Variants in ABLIM1 observed in about 807,000 individuals in gnomAD.
ABLIM1 encodes actin-binding LIM protein 1.
Under a neutral mutation model 107.0 loss-of-function variants are expected in ABLIM1, and 40 were observed. The observed-to-expected ratio is 0.37, with a 90% CI of 0.29 to 0.49. The LOEUF (loss-of-function observed/expected upper bound fraction) is 0.49. Ranked by LOEUF, ABLIM1 falls within the 20% of genes least tolerant of loss-of-function variation. The pLI is 0.97. For synonymous variants in ABLIM1, 357 were observed against 357.3 expected (o/e 1.00, Z 0.01); for missense variants, 857 against 1,008.5 (o/e 0.85, Z 2.04).
intron 8 of ABLIM1, 101 bp downstream of exon 8, chr10:114,487,857 A>G: frequency 7.0e-7 from 1 of 1,432,526 alleles, no homozygotes; most frequent in Admixed American, 1.7e-5. Context: ...GGAAAAAGTC[A>G]GTAAAAAGTA....
chr10:114,754,277 C>T (rs2082582455), intron 1 of ABLIM1, among the ~76,000 whole-genome samples: 1 of 151,366 alleles, frequency 6.6e-6, no homozygotes, highest in Non-Finnish European at 1.5e-5. Flanking sequence ...ACCCCCTTCA[C>T]CCTTTGCATA....
chr10:114,536,135 C>T (rs2065971498), intron 6 of ABLIM1, among the ~76,000 whole-genome samples: 1 of 151,740 alleles, frequency 6.6e-6, no homozygotes, highest in Non-Finnish European at 1.5e-5. Flanking sequence ...AACTTACTGC[C>T]TGTCTCTGTG....
upstream of ABLIM1, among the ~76,000 whole-genome samples, chr10:114,771,539 T>C (rs2083025217): frequency 6.6e-6 from 1 of 152,222 alleles, no homozygotes; most frequent in Non-Finnish European, 1.5e-5. Flanking sequence ...AATGACATTT[T>C]AGGGCCACTC....
chr10:114,791,751 T>C, the ABLIM1 span, among the ~76,000 whole-genome samples: 3 of 151,664 alleles, frequency 2.0e-5, no homozygotes, highest in Admixed American at 2.0e-4. Flanking sequence ...GGAAAAACCA[T>C]GAAAAGAGAA....
At chr10:114,597,581 GAAAGA>G (rs2075552366) in intron 2 of ABLIM1, among the ~76,000 whole-genome samples, 1 of 150,508 alleles carries the variant, frequency 6.6e-6, no homozygotes, top group Non-Finnish European at 1.5e-5. Context: ...AGGAAAGGAG[GAAAGA>G]AAAGAAAAAC....
chr10:114,510,798 G>A (rs2061746952), intron 6 of ABLIM1, among the ~76,000 whole-genome samples: 1 of 151,714 alleles, frequency 6.6e-6, no homozygotes, highest in Non-Finnish European at 1.5e-5. Context: ...CTATAGGCAT[G>A]CACCACCATT....
intron 21 of ABLIM1, 130 bp downstream of exon 21, chr10:114,439,046 C>T: frequency 9.7e-7 from 1 of 1,035,738 alleles, no homozygotes; most frequent in Non-Finnish European, 1.5e-6. Context: ...TGGCAAGGTG[C>T]ATATTCATGA....
chr10:114,741,721 T>C (rs1051341308), intron 1 of ABLIM1, among the ~76,000 whole-genome samples: 4 of 152,182 alleles, frequency 2.6e-5, no homozygotes, highest in Admixed American at 6.5e-5. Context: ...ACAAAATAAG[T>C]ATATGGATAA....
At chr10:114,678,348 T>C (rs1412343328) in intron 1 of ABLIM1, among the ~76,000 whole-genome samples, 2 of 152,276 alleles carry the variant, frequency 1.3e-5, no homozygotes, top group Non-Finnish European at 2.9e-5. Flanking sequence ...AATCATATAA[T>C]TGTTTTCTGA....
chr10:114,544,898 C>T (rs1369812236), intron 6 of ABLIM1, 107 bp downstream of exon 6: 1 of 1,020,528 alleles, frequency 9.8e-7, no homozygotes, highest in East Asian at 2.4e-5. Flanking sequence ...TCTTTCTCCA[C>T]AGGTGAAAAA....
chr10:114,441,825 T>C, intron 17 of ABLIM1, 39 bp from the exon 18 acceptor site: 1 of 1,561,356 alleles, frequency 6.4e-7, no homozygotes. Flanking sequence ...TGTTAGGAAA[T>C]CAGAAGGTCC....
intron 1 of ABLIM1, among the ~76,000 whole-genome samples, chr10:114,605,328 T>C (rs1396477675): frequency 6.6e-6 from 1 of 152,228 alleles, no homozygotes; most frequent in Non-Finnish European, 1.5e-5. Context: ...TTTTGAAATA[T>C]GCTGAGTCAT....
chr10:114,575,576 C>T lies in ABLIM1; in HGVS notation c.403G>A (p.Gly135Arg). The change falls in exon 3 of 23, where the codon GGG (glycine) becomes AGG (arginine). Residue 135 changes from glycine to arginine, a missense_variant. Physicochemically the swap from Gly to Arg is moderately radical, Grantham distance 125. This residue lies in a region of ABLIM1 where 176 missense variants were observed against 173.5 expected (regional missense o/e 1.01). Coordinates refer to ENST00000533213, the MANE Select transcript of ABLIM1 (RefSeq NM_002313.7). ...TCTCCGTTCTTTATGAAGAAGCCCC[C>T]TTGTGCCAGGTCACAGCCACACACT... ...CKVCGCDLAQ[G>R]GFFIKNGEYL... 6.2e-7 allele frequency: 1 copy of T among 1,613,930 alleles called. No individual in the cohort carries two copies. Among genetic ancestry groups the T allele is most frequent in the Non-Finnish European group, 8.5e-7 (1 of 1,179,884 alleles).
chr10:114,514,584 T>C (rs1035855416), intron 6 of ABLIM1, among the ~76,000 whole-genome samples: 1 of 152,084 alleles, frequency 6.6e-6, no homozygotes, highest in Non-Finnish European at 1.5e-5. Context: ...TCCCTATGTT[T>C]CCCAGGCTGG....
the ABLIM1 span, chr10:114,778,952 G>A: frequency 5.3e-5 from 8 of 152,188 alleles, no homozygotes; most frequent in Non-Finnish European, 8.8e-5. Context: ...GGAGTATTTG[G>A]TATGAATGTC....
intron 1 of ABLIM1, among the ~76,000 whole-genome samples, chr10:114,709,001 C>T (rs535074261): frequency 6.6e-6 from 1 of 152,218 alleles, no homozygotes; most frequent in African/African-American, 2.4e-5. Flanking sequence ...TTTTTAAGAA[C>T]TTGGCTAAGG....
chr10:114,495,439 G>T (rs1008626053), intron 6 of ABLIM1, among the ~76,000 whole-genome samples: 5 of 151,838 alleles, frequency 3.3e-5, no homozygotes, highest in Middle Eastern at 3.4e-3. Context: ...TGGTGCTGGG[G>T]TGGTAATGAT....
At chr10:114,445,451 G>C in intron 15 of ABLIM1, 48 bp from the exon 16 acceptor site, 1 of 1,474,194 alleles carries the variant, frequency 6.8e-7, no homozygotes, top group Non-Finnish European at 9.5e-7. Flanking sequence ...CAAGACAAGG[G>C]AATCTTAACG....
At chr10:114,564,185 C>T (rs1186919298) in intron 4 of ABLIM1, among the ~76,000 whole-genome samples, 1 of 151,736 alleles carries the variant, frequency 6.6e-6, no homozygotes, top group Non-Finnish European at 1.5e-5. Context: ...GACCCGGCCT[C>T]GTTGCTCTAT....
Sources: allele counts gnomAD v4.1 joint callset (sites outside exome capture counted in the v4.1 genomes callset), GRCh38; gene constraint gnomAD v4.1.1; regional missense constraint gnomAD v4.1.1; transcripts MANE v1.5; gene names NCBI Gene and HGNC (gene_info 2026-07-23, HGNC 2026-07-21).